FAT2: variants seen among roughly 807,000 people sequenced by gnomAD.
FAT2 encodes protocadherin Fat 2.
A neutral mutation model predicts 295.3 loss-of-function variants in FAT2; 150 were observed. The observed-to-expected ratio is 0.51, with a 90% CI of 0.44 to 0.58. The LOEUF (loss-of-function observed/expected upper bound fraction) is 0.58, where lower values mean the gene tolerates loss of function less well. FAT2 is among the 20% of genes least tolerant of loss of function. FAT2 has a pLI of 0.00. For missense variants in FAT2, 4,868 were observed against 5,442.7 expected, an observed-to-expected ratio of 0.89 and a Z score of 3.32; for synonymous variants, 2,026 against 2,150.3, an observed-to-expected ratio of 0.94 and a Z score of 1.60.
chr5:151,540,303 G>T (rs1244229854), intron 11 of FAT2, among the ~76,000 whole-genome samples: 1 of 152,080 alleles, frequency 6.6e-6, no homozygotes, highest in African/African-American at 2.4e-5. Context: ...GAGAGGTGAG[G>T]TCAGTGATGG....
Position 151,568,239 on chromosome 5 carries a change from A to G in FAT2, c.693T>C (p.Ser231=), listed in dbSNP as rs965220176. Residue 231 remains serine, a synonymous_variant, in exon 2 of 24, where the codon TCT becomes TCC. Transcript: ENST00000261800. ...CCAGGCTGCCAAACCCATTGCCCTC[A>G]GAGATTTTCCGCATGCGGTCCACAG... ...VLAVDRMRKI[S]EGNGFGSLAA... 5 of 1,614,020 alleles carry G rather than the reference A, an allele frequency of 3.1e-6. No individual in the cohort carries two copies. The highest frequency in any genetic ancestry group is 4.2e-6 in the Non-Finnish European group (5 of 1,179,998).
chr5:151,583,618 G>A (rs939683222), intron 1 of FAT2, among the ~76,000 whole-genome samples: 3 of 152,172 alleles, frequency 2.0e-5, no homozygotes, highest in African/African-American at 7.2e-5. Flanking sequence ...TAATCTGGGA[G>A]CTGGTTAGTT....
chr5:151,522,286 G>A, intron 18 of FAT2, 200 bp from the exon 19 acceptor site: 3 of 550,824 alleles, frequency 5.4e-6, no homozygotes, highest in Non-Finnish European at 6.4e-6. Flanking sequence ...TGAAGGTTTT[G>A]TAGAGATTGA....
intron 1 of FAT2, among the ~76,000 whole-genome samples, chr5:151,586,509 G>A (rs375903842): frequency 7.9e-4 from 120 of 152,296 alleles, no homozygotes; most frequent in African/African-American, 2.8e-3. Flanking sequence ...GTTAATCAAT[G>A]GGTAGTGGTG....
intron 12 of FAT2, 149 bp downstream of exon 12, chr5:151,537,644 C>T (rs1484797668): frequency 5.9e-6 from 4 of 675,622 alleles, no homozygotes; most frequent in South Asian, 2.8e-5. Flanking sequence ...ATTATGTCCC[C>T]AGTACAATGC....
At chr5:151,571,208 A>G (rs1758508796) in intron 1 of FAT2, among the ~76,000 whole-genome samples, 1 of 151,722 alleles carries the variant, frequency 6.6e-6, no homozygotes, top group African/African-American at 2.4e-5. Context: ...CAAAAGCCAC[A>G]CTCACCCTAC....
intron 1 of FAT2, among the ~76,000 whole-genome samples, chr5:151,589,927 A>G (rs1215666329): frequency 7.9e-5 from 12 of 152,084 alleles, no homozygotes. Context: ...GGAGGAGAGG[A>G]TCTTAACAAA....
At chr5:151,561,320 G>GAGGCCAGAGAGGTCAGCAAGGAC (rs1758004594) in intron 3 of FAT2, among the ~76,000 whole-genome samples, 3 of 152,204 alleles carry the variant, frequency 2.0e-5, no homozygotes, top group Non-Finnish European at 4.4e-5. Flanking sequence ...GGGGCAAGAT[G>GAGGCCAGAGAGGTCAGCAAGGAC]AGGCCAGAGA....
At position 151,506,035 on chromosome 5, in the gene FAT2, G is replaced by A. The variant is rs1340842294; in HGVS notation, c.12580C>T (p.Pro4194Ser). The A allele has an allele frequency of 1.3e-6, 2 of 1,567,478 alleles. No individual in the cohort carries two copies. The highest frequency in any genetic ancestry group is 1.7e-6 in the Non-Finnish European group (2 of 1,161,828). The stretch of plus-strand genomic sequence containing the variant: ...GGGCCCTGAGTCACTTCGGAGTGGG[G>A]GTATTCCCAGCGTTCGTTCCTGGAG... ...TYSRNERWEY[P>S]HSEVTQGPLP... is the part of the protein sequence containing the mutation. The change falls in exon 24 of 24, where the codon CCC becomes TCC. Residue 4194 changes from proline to serine, a missense_variant. By Grantham distance (74) the Pro-to-Ser change is moderately conservative. Coordinates refer to ENST00000261800, the MANE Select transcript of FAT2 (RefSeq NM_001447.3).
At chr5:151,588,861 CA>C (rs1280785852) in intron 1 of FAT2, among the ~76,000 whole-genome samples, 1 of 152,182 alleles carries the variant, frequency 6.6e-6, no homozygotes, top group Non-Finnish European at 1.5e-5. Context: ...CATTACCTTC[CA>C]TGCACCCCCT....
At chr5:151,578,937 T>TA in intron 1 of FAT2, among the ~76,000 whole-genome samples, 1 of 152,220 alleles carries the variant, frequency 6.6e-6, no homozygotes, top group East Asian at 1.9e-4. Context: ...CTAAAAAGGT[T>TA]AAACTCATAG....
At chr5:151,538,983 G>A (rs1755810937) in intron 11 of FAT2, among the ~76,000 whole-genome samples, 1 of 152,090 alleles carries the variant, frequency 6.6e-6, no homozygotes, top group African/African-American at 2.4e-5. Context: ...GAAGTTTTAT[G>A]TGTGGAGATG....
chr5:151,512,520 G>T lies in FAT2; in HGVS notation c.11550C>A (p.His3850Gln). Residue 3850 changes from histidine to glutamine, a missense_variant, in exon 21 of 24, where the codon CAC becomes CAA. Transcript: ENST00000261800. This position sits in a 1 kb window ranked among gnomAD's most constrained non-coding sequence, Gnocchi z 4.1. ...NLSSQRHVNDHEWHSILVEEM... is the reference protein window; with the variant it reads ...NLSSQRHVNDQEWHSILVEEM... ...CCTCCACCAGGATGGAGTGCCACTC[G>T]TGGTCATTCACATGGCGCTGGGAGG... 6.2e-7 allele frequency: 1 copy of T among 1,614,170 alleles called. No homozygotes were observed.
chr5:151,528,159 A>T, intron 15 of FAT2, 26 bp from the exon 16 acceptor site: 1 of 1,607,532 alleles, frequency 6.2e-7, no homozygotes, highest in Non-Finnish European at 8.5e-7. Context: ...GGGATTGTGA[A>T]TGGAGGGACA....
chr5:151,556,258 C>T (rs1757683629), intron 4 of FAT2, 86 bp downstream of exon 4: 5 of 1,136,396 alleles, frequency 4.4e-6, no homozygotes, highest in Non-Finnish European at 6.7e-6. Flanking sequence ...AGACCCTCCT[C>T]AGCCACAGTG....
Position 151,531,386 on chromosome 5 carries a change from G to A in FAT2, c.9811+201C>T, listed in dbSNP as rs1021643478. Among the ~76,000 whole-genome samples, 6 of 152,134 alleles carry A rather than the reference G, an allele frequency of 3.9e-5. No homozygotes were observed. Among genetic ancestry groups the A allele is most frequent in the Non-Finnish European group, 8.8e-5 (6 of 68,000 alleles). ...GCGGACGTGGGAGGGTCCCGTTTAA[G>A]GGAGGCTCCCACATAAGCTGGCCCC... On this transcript the variant is annotated intron_variant, in intron 14 of 23. Transcript: ENST00000261800. This position sits in a 1 kb window ranked among gnomAD's most constrained non-coding sequence, Gnocchi z 5.7.
intron 1 of FAT2, among the ~76,000 whole-genome samples, chr5:151,569,775 C>G (rs1472291800): frequency 1.3e-5 from 2 of 152,232 alleles, no homozygotes; most frequent in Non-Finnish European, 2.9e-5. Context: ...CTACTATTCT[C>G]TCTCCTTCCT....
intron 1 of FAT2, among the ~76,000 whole-genome samples, chr5:151,576,103 C>G (rs1758737728): frequency 6.6e-6 from 1 of 152,046 alleles, no homozygotes; most frequent in Non-Finnish European, 1.5e-5. Flanking sequence ...CAGGACTACA[C>G]ATACTATTAA....
At chr5:151,582,219 G>C (rs577628140) in intron 1 of FAT2, among the ~76,000 whole-genome samples, 23 of 152,332 alleles carry the variant, frequency 1.5e-4, no homozygotes, top group Middle Eastern at 3.4e-3. Context: ...AGCCTCTGCC[G>C]GTGGGCTGCA....
Sources: gnomAD v4.1 joint callset for allele counts (sites outside exome capture counted in the v4.1 genomes callset) on GRCh38, gnomAD v4.1.1 for gene constraint, Gnocchi (gnomAD v3.1) non-coding constraint, MANE v1.5 for transcripts, NCBI Gene and HGNC (gene_info 2026-07-23, HGNC 2026-07-21) for gene names.